UCMA: variants seen among roughly 807,000 people sequenced by gnomAD.
UCMA encodes the protein upper zone of growth plate and cartilage matrix associated, also known as upper zone of growth plate and cartilage matrix-associated protein.
In UCMA, 21 loss-of-function variants were observed where a neutral mutation model predicts 21.8. The ratio of observed to expected loss-of-function variants is 0.97; its 90% CI spans 0.68 to 1.39. The LOEUF (loss-of-function observed/expected upper bound fraction) is 1.39. UCMA is among the 40% of genes most tolerant of loss of function. UCMA has a pLI of 0.00. For missense variants in UCMA, 193 were observed against 178.9 expected (o/e 1.08, Z -0.45); for synonymous variants, 76 against 67.9 (o/e 1.12, Z -0.58).
intron 4 of UCMA, among the ~76,000 whole-genome samples, chr10:13,224,049 C>T (rs1001749911): frequency 2.8e-4 from 43 of 152,154 alleles, no homozygotes; most frequent in Non-Finnish European, 7.4e-5. Context: ...TTATGCTGGG[C>T]ATGGTGGCTC....
chr10:13,227,759 C>CAT (rs1172262179), intron 4 of UCMA, among the ~76,000 whole-genome samples: 12 of 145,978 alleles, frequency 8.2e-5, no homozygotes, highest in African/African-American at 2.9e-4. Flanking sequence ...CACACACACA[C>CAT]ACACACACAC....
chr10:13,223,522 A>T (rs1310274239), intron 4 of UCMA, among the ~76,000 whole-genome samples: 1 of 152,156 alleles, frequency 6.6e-6, no homozygotes, highest in South Asian at 2.1e-4. Context: ...TGAATAATGT[A>T]TGATTCCACT....
intron 3 of UCMA, among the ~76,000 whole-genome samples, chr10:13,230,677 G>A (rs771521176): frequency 1.1e-4 from 17 of 152,192 alleles, no homozygotes; most frequent in Non-Finnish European, 2.2e-4. Flanking sequence ...AGAGAAGCTG[G>A]GGAAAGTCAT....
intron 4 of UCMA, among the ~76,000 whole-genome samples, chr10:13,225,476 A>G (rs951450877): frequency 3.9e-5 from 6 of 152,038 alleles, no homozygotes; most frequent in Non-Finnish European, 7.4e-5. Flanking sequence ...GGAGTTCAAG[A>G]CCAGCCTGGC....
chr10:13,229,883 A>C lies in UCMA; in HGVS notation c.221-174T>G, dbSNP rs1834876683. Among the ~76,000 whole-genome samples, 11 of 152,008 alleles carry C rather than the reference A, an allele frequency of 7.2e-5. No homozygotes were observed. The South Asian group carries it at 2.3e-3, about 32-fold the overall frequency. On this transcript the variant is annotated intron_variant, in intron 3 of 4. Transcript: ENST00000378681. ...ATTTACTCCTGACACAGACTTTAAA[A>C]CTTGAAGGTGATTATCTGATCCAGC... is the stretch of plus-strand genomic sequence containing the variant.
intron 1 of UCMA, 104 bp from the exon 2 acceptor site, chr10:13,233,904 T>G: frequency 1.4e-6 from 2 of 1,416,964 alleles, no homozygotes; most frequent in Non-Finnish European, 9.6e-7. Flanking sequence ...TGCCAGGGCC[T>G]GGCAGGGGGC....
At chr10:13,222,758 A>G (rs866448251) in intron 4 of UCMA, among the ~76,000 whole-genome samples, 1 of 151,398 alleles carries the variant, frequency 6.6e-6, no homozygotes, top group Non-Finnish European at 1.5e-5. Context: ...TGGCGTGATC[A>G]TGACTCACCG....
At chr10:13,234,068 A>G (rs1588492621) in intron 1 of UCMA, 133 bp downstream of exon 1, 1 of 753,988 alleles carries the variant, frequency 1.3e-6, no homozygotes. Context: ...CATGCACACG[A>G]CACACACATA....
At chr10:13,234,077 T>TACAC in intron 1 of UCMA, 124 bp downstream of exon 1, 6 of 842,582 alleles carry the variant, frequency 7.1e-6, no homozygotes, top group Non-Finnish European at 1.1e-5. Context: ...GACACACACA[T>TACAC]ACACACATGT....
Position 13,233,574 on chromosome 10 carries a change from C to T in UCMA, c.184G>A (p.Gly62Ser), listed in dbSNP as rs140874143. The change falls in exon 3 of 5, where the codon GGC (glycine) becomes AGC (serine). Residue 62 changes from glycine to serine, a missense_variant. Coordinates refer to ENST00000378681, the MANE Select transcript of UCMA (RefSeq NM_145314.3). ...SDASNFLKRR[G>S]KRSPKSRDEV... Reference sequence around the variant, plus strand: ...TCTCTGGACTTGGGGGACCGCTTGCCGCGCCTCTTGAGGAAATTCGAGGCA... The same window carrying T: ...TCTCTGGACTTGGGGGACCGCTTGCTGCGCCTCTTGAGGAAATTCGAGGCA... The T allele has an allele frequency of 7.8e-4, 1,259 of 1,614,026 alleles. 15 individuals are homozygous for T. The African/African-American group carries it at 0.014, about 19-fold the overall frequency.
intron 3 of UCMA, among the ~76,000 whole-genome samples, chr10:13,230,313 CA>C (rs1411328454): frequency 1.3e-5 from 2 of 151,934 alleles, no homozygotes; most frequent in Non-Finnish European, 2.9e-5. Context: ...GTCTCAAAAA[CA>C]AAATAAAATA....
At chr10:13,231,822 A>G (rs1470678374) in intron 3 of UCMA, among the ~76,000 whole-genome samples, 1 of 152,192 alleles carries the variant, frequency 6.6e-6, no homozygotes, top group Non-Finnish European at 1.5e-5. Context: ...GAGATGTCAG[A>G]TGCCTGTCTC....
At chr10:13,223,054 G>A (rs879267796) in intron 4 of UCMA, among the ~76,000 whole-genome samples, 4 of 151,690 alleles carry the variant, frequency 2.6e-5, no homozygotes, top group African/African-American at 4.8e-5. Flanking sequence ...GTGAAACCCT[G>A]TCTCTACTAA....
intron 3 of UCMA, 47 bp from the exon 4 acceptor site, chr10:13,229,756 CT>C: frequency 6.6e-7 from 1 of 1,511,274 alleles, no homozygotes; most frequent in Non-Finnish European, 9.2e-7. Context: ...AATGAGGACA[CT>C]TAGGGGCACA....
At position 13,234,346 on chromosome 10, in the gene UCMA, C is replaced by A. The variant is rs937394218; in HGVS notation, c.-88G>T. 66 of 1,414,382 alleles carry A rather than the reference C, an allele frequency of 4.7e-5. No homozygotes were observed. Among genetic ancestry groups the A allele is most frequent in the Non-Finnish European group, 6.0e-5 (62 of 1,034,254 alleles). 87.6% of individuals were successfully genotyped at this position (1,414,382 alleles called of 1,614,324 possible). On this transcript the variant is annotated 5_prime_UTR_variant, in exon 1 of 5. Coordinates refer to ENST00000378681, the MANE Select transcript of UCMA (RefSeq NM_145314.3). The stretch of plus-strand genomic sequence containing the variant: ...GGGTCCCCACTTCTGAGGCAGGCAG[C>A]CCAGGCGAGAGGAAGGAAGGCGGGG...
chr10:13,231,376 A>T (rs934993050), intron 3 of UCMA, among the ~76,000 whole-genome samples: 3 of 152,066 alleles, frequency 2.0e-5, no homozygotes, highest in Non-Finnish European at 4.4e-5. Context: ...GATGTGCATG[A>T]CCTAACAGAG....
At chr10:13,232,890 C>G (rs1052480838) in intron 3 of UCMA, among the ~76,000 whole-genome samples, 3 of 151,358 alleles carry the variant, frequency 2.0e-5, no homozygotes, top group Non-Finnish European at 4.4e-5. Context: ...ACAGGCCCTA[C>G]AGCAGGCTGT....
chr10:13,229,439 G>A (rs1041757573), intron 4 of UCMA, among the ~76,000 whole-genome samples, 172 bp downstream of exon 4: 1 of 151,848 alleles, frequency 6.6e-6, no homozygotes, highest in African/African-American at 2.4e-5. Flanking sequence ...TTGGGAGGTG[G>A]AGGTTGCAGT....
chr10:13,234,275 G>A lies in UCMA; in HGVS notation c.-17C>T, dbSNP rs1418813244. ...CCAAGTCATCTTTGCAGAGGTAGGG[G>A]CTCCGTCCAGGACCCACAAGGCAGA... On this transcript the variant is annotated 5_prime_UTR_variant, in exon 1 of 5. Coordinates refer to ENST00000378681, the MANE Select transcript of UCMA (RefSeq NM_145314.3). The A allele has an allele frequency of 6.2e-7, 1 of 1,612,986 alleles. No individual in the cohort carries two copies. The highest frequency in any genetic ancestry group is 8.5e-7 in the Non-Finnish European group (1 of 1,179,810).
Sources: gnomAD v4.1 joint callset for allele counts (sites outside exome capture counted in the v4.1 genomes callset) on GRCh38, gnomAD v4.1.1 for gene constraint, MANE v1.5 for transcripts, NCBI Gene and HGNC (gene_info 2026-07-23, HGNC 2026-07-21) for gene names.